Variants in ISY1 observed in about 807,000 individuals in gnomAD.
The protein encoded by ISY1 is ISY1 spliceosome associated protein.
ISY1 carries 12 observed loss-of-function variants against 54.4 expected under a neutral mutation model. That is an observed-to-expected ratio of 0.22 (90% CI 0.14 to 0.36). ISY1 has a LOEUF of 0.36. Among genes scored for constraint, ISY1 ranks in the 10% least tolerant of loss-of-function variants. The pLI, the probability that ISY1 is intolerant of heterozygous loss-of-function variation, is 1.00. For synonymous variants in ISY1, 96 were observed against 117.9 expected (o/e 0.81, Z 1.20); for missense variants, 282 against 342.2 (o/e 0.82, Z 1.39).
Position 129,130,624 on chromosome 3 carries a change from C to T in ISY1, c.676G>A (p.Gly226Ser), listed in dbSNP as rs1445660713. Residue 226 changes from glycine to serine, a missense_variant, in exon 10 of 11, where the codon GGC becomes AGC. This residue lies in a region of ISY1 where 279 missense variants were observed against 323.6 expected (regional missense o/e 0.86). Coordinates refer to ENST00000393295, the MANE Select transcript of ISY1 (RefSeq NM_020701.4). ...TCGTCCCCTCCTTTCTCCTGGCTGC[C>T]TTCCTCGTCCGACTACAAACAGAAC... is the stretch of plus-strand genomic sequence containing the variant. ...AVTEEESDEE[G>S]SQEKGGDDSQ... is the part of the protein sequence containing the mutation. The T allele has an allele frequency of 6.2e-7, 1 of 1,614,108 alleles. No individual in the cohort carries two copies. Among genetic ancestry groups the T allele is most frequent in the Non-Finnish European group, 8.5e-7 (1 of 1,180,006 alleles).
At position 129,145,781 on chromosome 3, in the gene ISY1, G is replaced by T; in HGVS notation, c.280C>A (p.Leu94Met). Residue 94 changes from leucine (L) to methionine (M), a missense_variant, in exon 6 of 11, where the codon CTG (leucine) becomes ATG (methionine). Physicochemically the swap from Leu to Met is conservative, Grantham distance 15 (BLOSUM62 2). Transcript: ENST00000393295. ...CTCACTCCATAATCAGGACCTCCCAGCTCCTTTATCCGGACCTCCCAGTGT... is the reference window on the plus strand; with the variant it reads ...CTCACTCCATAATCAGGACCTCCCATCTCCTTTATCCGGACCTCCCAGTGT... Reference protein sequence around the residue: ...KGHWEVRIKELGGPDYGKVGP... With the variant: ...KGHWEVRIKEMGGPDYGKVGP... The T allele has an allele frequency of 6.2e-7, 1 of 1,614,060 alleles. No homozygotes were observed. The highest frequency in any genetic ancestry group is 1.7e-4 in the Middle Eastern group (1 of 6,058).
At chr3:129,158,256 T>C (rs1937204280) in intron 3 of ISY1, among the ~76,000 whole-genome samples, 1 of 151,470 alleles carries the variant, frequency 6.6e-6, no homozygotes, top group African/African-American at 2.4e-5. Context: ...TGCATTCAAG[T>C]GATTCTCCTG....
At chr3:129,145,541 C>T (rs979983445) in intron 6 of ISY1, among the ~76,000 whole-genome samples, 3 of 151,994 alleles carry the variant, frequency 2.0e-5, no homozygotes, top group East Asian at 1.9e-4. Flanking sequence ...ATTTTAAACA[C>T]GAGGCCGAGA....
chr3:129,160,919 C>CCCCCA, intron 1 of ISY1, 54 bp downstream of exon 1: 2 of 428,608 alleles, frequency 4.7e-6, no homozygotes, highest in South Asian at 1.7e-5. Flanking sequence ...GGACTGGGCG[C>CCCCCA]CCCCCCGCCC....
chr3:129,143,945 T>C (rs1936700060), intron 6 of ISY1: 1 of 169,180 alleles, frequency 5.9e-6, no homozygotes, highest in South Asian at 1.4e-4. Context: ...ATTACTTTTA[T>C]ATGTAGAAAA....
At chr3:129,144,800 A>G (rs900356245) in intron 6 of ISY1, among the ~76,000 whole-genome samples, 1 of 152,214 alleles carries the variant, frequency 6.6e-6, no homozygotes, top group Non-Finnish European at 1.5e-5. Flanking sequence ...TTGCATTTAT[A>G]GAAGTCCAAA....
rs770701981 is a variant in ISY1, at chr3:129,140,505, G to C, written c.301-20C>G. 9 of 1,586,320 alleles carry C rather than the reference G, an allele frequency of 5.7e-6. No individual in the cohort carries two copies. In the Admixed American group the frequency reaches 1.7e-4, roughly 30 times the overall value. On this transcript the variant is annotated intron_variant, in intron 6 of 10. Coordinates refer to ENST00000393295, the MANE Select transcript of ISY1 (RefSeq NM_020701.4). ...AACTTTCTTATTGGGAAGAAAAAAA[G>C]AGAAAATGGATCTGTTAGTTAGTTA...
chr3:129,144,293 A>C (rs897676294), intron 6 of ISY1: 2 of 294,090 alleles, frequency 6.8e-6, no homozygotes, highest in Non-Finnish European at 1.4e-5. Context: ...CACCCAAGAG[A>C]AGTCTCCTAG....
At position 129,134,181 on chromosome 3, in the gene ISY1, C is replaced by G. The variant is rs1401464303; in HGVS notation, c.556G>C (p.Val186Leu). The change falls in exon 9 of 11, where the codon GTG (valine) becomes CTG (leucine). Residue 186 changes from valine (V) to leucine (L), a missense_variant. Val to Leu is a conservative substitution (Grantham distance 32, BLOSUM62 1). This residue lies in a region of ISY1 where 279 missense variants were observed against 323.6 expected (regional missense o/e 0.86). Transcript: ENST00000393295. ...EYEKKLRAEL[V>L]EKWKAEREAR... ...TCTCTCTCTGCTTTCCACTTTTCCACTAACTCGGCTCTGACTGAACACAAG... is the reference window on the plus strand; with the variant it reads ...TCTCTCTCTGCTTTCCACTTTTCCAGTAACTCGGCTCTGACTGAACACAAG... 1 of 1,614,208 alleles carries G rather than the reference C, an allele frequency of 6.2e-7. No individual in the cohort carries two copies. The highest frequency in any genetic ancestry group is 2.2e-5 in the East Asian group (1 of 44,880).
chr3:129,142,144 A>T (rs1473140493), intron 6 of ISY1, among the ~76,000 whole-genome samples: 2 of 146,294 alleles, frequency 1.4e-5, no homozygotes, highest in African/African-American at 2.5e-5. Context: ...GGCGGAGGTT[A>T]GGGTGAGCTG....
chr3:129,156,196 A>C (rs889876220), intron 5 of ISY1, among the ~76,000 whole-genome samples: 11 of 151,860 alleles, frequency 7.2e-5, no homozygotes, highest in Admixed American at 6.6e-4. Context: ...CAGGAGATCA[A>C]GACCATCCTG....
At chr3:129,133,121 AT>A (rs552310969) in intron 9 of ISY1, among the ~76,000 whole-genome samples, 223 of 152,156 alleles carry the variant, frequency 1.5e-3, no homozygotes, top group African/African-American at 5.0e-3. Flanking sequence ...CAAATGTTGA[AT>A]TTTCCTTGTT....
In ISY1 at chr3:129,129,151, T is replaced by C. The variant is rs1370578935; in HGVS notation, c.*930A>G. On this transcript the variant is annotated 3_prime_UTR_variant, in exon 11 of 11. Coordinates refer to ENST00000393295, the MANE Select transcript of ISY1 (RefSeq NM_020701.4). Reference sequence around the variant, plus strand: ...TAATGCCACTGTCACCTCAGAGCCGTTGGCCCAGGGAACAAGCTGAAGACA... The same window carrying C: ...TAATGCCACTGTCACCTCAGAGCCGCTGGCCCAGGGAACAAGCTGAAGACA... 1 of 152,126 alleles carries C rather than the reference T, an allele frequency of 6.6e-6. No individual in the cohort carries two copies. Among genetic ancestry groups the C allele is most frequent in the Non-Finnish European group, 1.5e-5 (1 of 68,046 alleles). The allele number at this position is 152,126 out of a possible 1,614,324, so 9.4% of individuals were successfully genotyped here. A position where few individuals can be genotyped will look rare whatever the true frequency, so the allele number is the denominator to read the frequency against.
intron 5 of ISY1, among the ~76,000 whole-genome samples, chr3:129,149,074 G>C (rs1464015240): frequency 6.6e-6 from 1 of 152,054 alleles, no homozygotes; most frequent in African/African-American, 2.4e-5. Context: ...ACACAGACAG[G>C]AAGACTGCTC....
At chr3:129,147,998 A>T (rs566578860) in intron 5 of ISY1, among the ~76,000 whole-genome samples, 2 of 151,550 alleles carry the variant, frequency 1.3e-5, no homozygotes, top group South Asian at 4.2e-4. Flanking sequence ...TTTAATTATT[A>T]TTATTATTTA....
At chr3:129,151,776 G>A (rs936784797) in intron 5 of ISY1, among the ~76,000 whole-genome samples, 1 of 152,142 alleles carries the variant, frequency 6.6e-6, no homozygotes, top group Non-Finnish European at 1.5e-5. Flanking sequence ...AGTGGTGAGA[G>A]TGGATGTCTT....
At chr3:129,146,150 C>G (rs1936760167) in intron 5 of ISY1, among the ~76,000 whole-genome samples, 1 of 152,078 alleles carries the variant, frequency 6.6e-6, no homozygotes, top group Non-Finnish European at 1.5e-5. Context: ...TGAAACAACC[C>G]AGCAGTTCCA....
chr3:129,133,481 G>A (rs1182617287), intron 9 of ISY1, among the ~76,000 whole-genome samples: 1 of 152,188 alleles, frequency 6.6e-6, no homozygotes, highest in Non-Finnish European at 1.5e-5. Context: ...GGATCACAAG[G>A]TCAGGAGTTC....
At chr3:129,157,571 A>T (rs1226569801) in intron 3 of ISY1, among the ~76,000 whole-genome samples, 2 of 152,062 alleles carry the variant, frequency 1.3e-5, no homozygotes, top group African/African-American at 2.4e-5. Context: ...ATACAAAAAA[A>T]TTAGCTGGGT....
Sources: allele counts gnomAD v4.1 joint callset (sites outside exome capture counted in the v4.1 genomes callset), GRCh38; gene constraint gnomAD v4.1.1; regional missense constraint gnomAD v4.1.1; transcripts MANE v1.5; gene names NCBI Gene and HGNC (gene_info 2026-07-23, HGNC 2026-07-21).